The following RGS21 variants were observed in gnomAD, a reference collection of about 807,000 sequenced individuals.
RGS21 encodes regulator of G-protein signalling 21.
A neutral mutation model predicts 18.7 loss-of-function variants in RGS21; 19 were observed. The ratio of observed to expected loss-of-function variants is 1.01; its 90% confidence interval spans 0.71 to 1.49. The LOEUF (loss-of-function observed/expected upper bound fraction) is 1.49, where lower values mean the gene tolerates loss of function less well. Among genes scored for constraint, RGS21 ranks in the 40% most tolerant of loss-of-function variants. The pLI is 0.00. For synonymous variants in RGS21, 56 were observed against 57.8 expected, an observed-to-expected ratio of 0.97 and a Z score of 0.14; for missense variants, 194 against 176.8, an observed-to-expected ratio of 1.10 and a Z score of -0.55.
chr1:192,361,591 G>T (rs1220952275), intron 4 of RGS21, among the ~76,000 whole-genome samples: 1 of 152,052 alleles, frequency 6.6e-6, no homozygotes, highest in East Asian at 1.9e-4. Flanking sequence ...TGTCGCCTAG[G>T]CTGGAGTGCA....
chr1:192,319,020 A>G (rs1454322026), intron 1 of RGS21, among the ~76,000 whole-genome samples: 2 of 152,096 alleles, frequency 1.3e-5, no homozygotes, highest in African/African-American at 4.8e-5. Flanking sequence ...GCTTGAGGCT[A>G]GAAATTCAAG....
chr1:192,334,096 G>A lies in RGS21; in HGVS notation c.-60-8881G>A, dbSNP rs140853843. Among the ~76,000 whole-genome samples the A allele has an allele frequency of 5.1e-3, 783 of 152,224 alleles. 7 individuals are homozygous for A. Among genetic ancestry groups the A allele is most frequent in the African/African-American group, 0.018 (757 of 41,566 alleles). On this transcript the variant is annotated intron_variant, in intron 1 of 4. Coordinates refer to ENST00000417209, the MANE Select transcript of RGS21 (RefSeq NM_001039152.3). The stretch of plus-strand genomic sequence containing the variant: ...ATAATTATAAAAAGATGTATATATA[G>A]CATTGTCTTTGGGTCTGCATGCCTT...
intron 1 of RGS21, among the ~76,000 whole-genome samples, chr1:192,330,984 T>C (rs535437727): frequency 6.6e-6 from 1 of 152,304 alleles, no homozygotes; most frequent in East Asian, 1.9e-4. Flanking sequence ...TTGTAATTAA[T>C]TAGGTGATTA....
chr1:192,348,389 A>G (rs1257286311), intron 3 of RGS21, among the ~76,000 whole-genome samples: 1 of 152,202 alleles, frequency 6.6e-6, no homozygotes, highest in Non-Finnish European at 1.5e-5. Context: ...CAAACTGTTG[A>G]AAATTTTGAA....
Position 192,351,793 on chromosome 1 carries a change from T to C in RGS21, c.89-254T>C, listed in dbSNP as rs1352263197. On this transcript the variant is annotated intron_variant, in intron 3 of 4. Transcript: ENST00000417209. The stretch of plus-strand genomic sequence containing the variant: ...ACATATATAATATATATAACACATA[T>C]ATAGCACATATAACATATATGTGCT... 1.9e-4 allele frequency among the ~76,000 whole-genome samples: 28 copies of C among 147,672 alleles called. No individual in the cohort carries two copies. In the Admixed American group the frequency reaches 1.9e-3, roughly 10 times the overall value.
Position 192,367,025 on chromosome 1 carries a change from T to C in RGS21, c.*901T>C, listed in dbSNP as rs2102241206. ...ATGTTCCTAAAATTGTTTCATTCTA[T>C]ATGTAAATATCCTGTGATAAATACG... On this transcript the variant is annotated 3_prime_UTR_variant, in exon 5 of 5. Coordinates refer to ENST00000417209, the MANE Select transcript of RGS21 (RefSeq NM_001039152.3). 6.6e-6 allele frequency: 1 copy of C among 152,194 alleles called. No individual in the cohort carries two copies. Among genetic ancestry groups the C allele is most frequent in the Middle Eastern group, 3.4e-3 (1 of 294 alleles). 9.4% of individuals were successfully genotyped at this position (152,194 alleles called of 1,614,324 possible).
intron 1 of RGS21, among the ~76,000 whole-genome samples, chr1:192,335,887 C>A (rs1658759257): frequency 6.6e-6 from 1 of 152,058 alleles, no homozygotes; most frequent in Non-Finnish European, 1.5e-5. Context: ...AACACAAACA[C>A]CTGTGTTTTA....
intron 1 of RGS21, among the ~76,000 whole-genome samples, chr1:192,332,971 TAAAA>T (rs78047721): frequency 6.7e-6 from 1 of 149,078 alleles, no homozygotes; most frequent in Non-Finnish European, 1.5e-5. Context: ...CCTCAACTGT[TAAAA>T]AAAAATAACA....
chr1:192,342,043 A>C (rs944423257), intron 1 of RGS21, among the ~76,000 whole-genome samples: 7 of 152,020 alleles, frequency 4.6e-5, no homozygotes, highest in Non-Finnish European at 8.8e-5. Flanking sequence ...CAGTTTCATT[A>C]GTCCAGGGCC....
In RGS21 at chr1:192,352,170, A is replaced by G; in HGVS notation, c.212A>G (p.Lys71Arg). 2 of 1,611,244 alleles carry G rather than the reference A, an allele frequency of 1.2e-6. No individual in the cohort carries two copies. Among genetic ancestry groups the G allele is most frequent in the Non-Finnish European group, 1.7e-6 (2 of 1,178,600 alleles). Residue 71 changes from lysine to arginine, a missense_variant, in exon 4 of 5, where the codon AAG becomes AGG. Transcript: ENST00000417209. ...KNADKIASKA[K>R]MIYSEFIEAD... ...GCAGACAAAATTGCTTCCAAAGCCA[A>G]GATGATTTATTCTGAATTCATTGAA...
At position 192,366,285 on chromosome 1, in the gene RGS21, G is replaced by T. The variant is rs558243934; in HGVS notation, c.*161G>T. ...ACAACAAGCCTGAATTTCTAACTCAGTTGTTTAGAATGTATTTGCTTTACC... is the reference window on the plus strand; with the variant it reads ...ACAACAAGCCTGAATTTCTAACTCATTTGTTTAGAATGTATTTGCTTTACC... On this transcript the variant is annotated 3_prime_UTR_variant, in exon 5 of 5. Transcript: ENST00000417209. The T allele has an allele frequency of 4.5e-5, 26 of 580,960 alleles. No individual in the cohort carries two copies. The South Asian group carries it at 5.3e-4, about 12-fold the overall frequency. 36.0% of individuals were successfully genotyped at this position (580,960 alleles called of 1,614,324 possible).
At chr1:192,334,326 T>C (rs373475213) in intron 1 of RGS21, among the ~76,000 whole-genome samples, 2 of 152,162 alleles carry the variant, frequency 1.3e-5, no homozygotes, top group South Asian at 2.1e-4. Flanking sequence ...TAAATAGTTA[T>C]ATGCTATTAC....
At chr1:192,323,602 T>C (rs1658525632) in intron 1 of RGS21, among the ~76,000 whole-genome samples, 1 of 152,052 alleles carries the variant, frequency 6.6e-6, no homozygotes, top group Admixed American at 6.6e-5. Flanking sequence ...AAAAAAGTTA[T>C]AGAAGGAGAC....
chr1:192,338,476 T>C (rs189170059), intron 1 of RGS21, among the ~76,000 whole-genome samples: 82 of 152,212 alleles, frequency 5.4e-4, no homozygotes, highest in Admixed American at 1.4e-3. Context: ...CAAATAACGA[T>C]CAGTGCGATT....
rs576675446 is a variant in RGS21, at chr1:192,348,972, A to G, written c.88+1583A>G. Among the ~76,000 whole-genome samples the G allele has an allele frequency of 2.1e-3, 83 of 38,856 alleles. 1 individual carries two copies. Among genetic ancestry groups the G allele is most frequent in the Non-Finnish European group, 1.6e-3 (31 of 19,236 alleles). 25.5% of individuals were successfully genotyped at this position (38,856 alleles called of 152,430 possible). ...TTTAGAAATAATTAGAAATAATTAG[A>G]AAGTATAAACATCAAAGGATCCACG... is the stretch of plus-strand genomic sequence containing the variant. On this transcript the variant is annotated intron_variant, in intron 3 of 4. Coordinates refer to ENST00000417209, the MANE Select transcript of RGS21 (RefSeq NM_001039152.3).
chr1:192,338,814 T>C (rs1571454595), intron 1 of RGS21, among the ~76,000 whole-genome samples: 1 of 152,122 alleles, frequency 6.6e-6, no homozygotes, highest in South Asian at 2.1e-4. Flanking sequence ...TAAATACTTA[T>C]TGAATACATG....
chr1:192,327,741 G>A (rs1658587150), intron 1 of RGS21, among the ~76,000 whole-genome samples: 1 of 152,082 alleles, frequency 6.6e-6, no homozygotes, highest in Admixed American at 6.6e-5. Context: ...CCAAAGTGCT[G>A]GGATTACAGG....
At chr1:192,330,412 T>C (rs1341209278) in intron 1 of RGS21, among the ~76,000 whole-genome samples, 1 of 152,032 alleles carries the variant, frequency 6.6e-6, no homozygotes, top group Non-Finnish European at 1.5e-5. Flanking sequence ...GAAAGAATTT[T>C]CCTAAAGTAG....
chr1:192,347,427 T>A, intron 3 of RGS21, 38 bp downstream of exon 3: 1 of 949,062 alleles, frequency 1.1e-6, no homozygotes, highest in South Asian at 1.5e-5. Flanking sequence ...AATACAATAA[T>A]TAAATATAAA....
Sources: gnomAD v4.1 joint callset for allele counts (sites outside exome capture counted in the v4.1 genomes callset) on GRCh38, gnomAD v4.1.1 for gene constraint, MANE v1.5 for transcripts, NCBI Gene and HGNC (gene_info 2026-07-23, HGNC 2026-07-21) for gene names.